STXBP5L: variants seen among roughly 807,000 people sequenced by gnomAD.
The protein encoded by STXBP5L is syntaxin binding protein 5L.
Under a neutral mutation model 144.5 loss-of-function variants are expected in STXBP5L, and 65 were observed. The ratio of observed to expected loss-of-function variants is 0.45; its 90% CI spans 0.37 to 0.55. The LOEUF (loss-of-function observed/expected upper bound fraction) is 0.55. Among genes scored for constraint, STXBP5L ranks in the 20% least tolerant of loss-of-function variants. STXBP5L has a pLI of 0.00. For missense variants in STXBP5L, 1,298 were observed against 1,405.5 expected, an observed-to-expected ratio of 0.92 and a Z score of 1.22; for synonymous variants, 505 against 469.6, an observed-to-expected ratio of 1.08 and a Z score of -0.97.
chr3:121,108,807 C>A (rs79911448), intron 5 of STXBP5L, among the ~76,000 whole-genome samples: 1 of 152,216 alleles, frequency 6.6e-6, no homozygotes, highest in East Asian at 1.9e-4. Context: ...CCGCTTTGTA[C>A]CTCTGGTAGA....
chr3:120,908,829 G>T (rs538029135), intron 1 of STXBP5L, among the ~76,000 whole-genome samples: 1 of 149,356 alleles, frequency 6.7e-6, no homozygotes, highest in Non-Finnish European at 1.5e-5. Context: ...GAGATGGGGA[G>T]AGGGGGGAAA....
intron 4 of STXBP5L, among the ~76,000 whole-genome samples, chr3:121,044,172 G>A (rs1372584889): frequency 2.0e-5 from 3 of 152,074 alleles, no homozygotes. Context: ...GAACATGTAT[G>A]TATGTAATTA....
chr3:121,094,584 A>G (rs2043012590), intron 5 of STXBP5L, among the ~76,000 whole-genome samples: 2 of 152,066 alleles, frequency 1.3e-5, no homozygotes, highest in South Asian at 4.2e-4. Context: ...ATCAGAGACT[A>G]GGATTGCAAC....
At chr3:121,181,639 C>G (rs1024941573) in intron 9 of STXBP5L, among the ~76,000 whole-genome samples, 1 of 151,516 alleles carries the variant, frequency 6.6e-6, no homozygotes, top group Non-Finnish European at 1.5e-5. Flanking sequence ...GAGGATGAGG[C>G]AGGAGAATTG....
chr3:120,950,761 A>G (rs888184288), intron 2 of STXBP5L, among the ~76,000 whole-genome samples: 1 of 152,180 alleles, frequency 6.6e-6, no homozygotes, highest in African/African-American at 2.4e-5. Context: ...TGCCATCCCC[A>G]TCAAGCTACC....
chr3:120,969,956 A>T (rs1272108380), intron 3 of STXBP5L, among the ~76,000 whole-genome samples: 5 of 151,996 alleles, frequency 3.3e-5, no homozygotes, highest in Non-Finnish European at 7.4e-5. Context: ...TTAGTCTATT[A>T]CAGGTTTTTG....
intron 9 of STXBP5L, among the ~76,000 whole-genome samples, chr3:121,185,060 C>G (rs373436547): frequency 6.6e-6 from 1 of 152,262 alleles, no homozygotes; most frequent in East Asian, 1.9e-4. Context: ...CTGAAAGAAG[C>G]ACTGAACATG....
chr3:120,986,907 A>T (rs1942339672), intron 3 of STXBP5L, among the ~76,000 whole-genome samples: 1 of 152,010 alleles, frequency 6.6e-6, no homozygotes, highest in African/African-American at 2.4e-5. Context: ...AGAACGAGAA[A>T]AGGTGGAACA....
intron 7 of STXBP5L, among the ~76,000 whole-genome samples, chr3:121,137,987 A>G (rs749299233): frequency 6.6e-6 from 1 of 152,108 alleles, no homozygotes; most frequent in Non-Finnish European, 1.5e-5. Flanking sequence ...AGGAAGTTAA[A>G]TTGTCCCTTT....
At chr3:121,229,400 C>T (rs1290840970) in intron 11 of STXBP5L, among the ~76,000 whole-genome samples, 1 of 151,992 alleles carries the variant, frequency 6.6e-6, no homozygotes, top group East Asian at 1.9e-4. Context: ...ACACACCTTA[C>T]TTTGGCATAC....
chr3:121,291,760 T>G (rs1344068687), intron 19 of STXBP5L, among the ~76,000 whole-genome samples: 1 of 152,062 alleles, frequency 6.6e-6, no homozygotes, highest in Admixed American at 6.6e-5. Context: ...GCCAAATACT[T>G]GCAGCCAACT....
At chr3:121,046,016 C>T (rs1050833533) in intron 5 of STXBP5L, among the ~76,000 whole-genome samples, 11 of 152,042 alleles carry the variant, frequency 7.2e-5, no homozygotes, top group African/African-American at 2.7e-4. Flanking sequence ...ATAGATGGCT[C>T]TTCTTATTTT....
chr3:121,293,278 T>C (rs1481186435), intron 19 of STXBP5L, among the ~76,000 whole-genome samples: 2 of 151,908 alleles, frequency 1.3e-5, no homozygotes, highest in African/African-American at 4.8e-5. Context: ...AAGCAATGCA[T>C]AGTGACAGAA....
At chr3:121,287,893 T>A (rs908712209) in intron 19 of STXBP5L, among the ~76,000 whole-genome samples, 2 of 152,098 alleles carry the variant, frequency 1.3e-5, no homozygotes, top group African/African-American at 4.8e-5. Flanking sequence ...TAAGAAGACT[T>A]AAATAAATAG....
intron 19 of STXBP5L, among the ~76,000 whole-genome samples, chr3:121,303,294 C>T (rs1455051136): frequency 1.3e-5 from 2 of 152,120 alleles, no homozygotes; most frequent in Non-Finnish European, 2.9e-5. Context: ...TCATCACTGG[C>T]CATCAGAGAA....
At chr3:121,053,562 C>A (rs1473848892) in intron 5 of STXBP5L, among the ~76,000 whole-genome samples, 2 of 152,080 alleles carry the variant, frequency 1.3e-5, no homozygotes, top group South Asian at 4.2e-4. Context: ...AATTTGGATC[C>A]CTTACACCTT....
intron 19 of STXBP5L, among the ~76,000 whole-genome samples, chr3:121,286,600 A>G (rs1303874229): frequency 2.0e-5 from 3 of 152,146 alleles, no homozygotes; most frequent in Non-Finnish European, 4.4e-5. Context: ...GATAAGGTGG[A>G]CCTATTTTTG....
chr3:120,976,686 C>T (rs906460277), intron 3 of STXBP5L, among the ~76,000 whole-genome samples: 2 of 152,126 alleles, frequency 1.3e-5, no homozygotes, highest in East Asian at 1.9e-4. Context: ...GCATTTAGTG[C>T]TATAAATTTT....
At chr3:121,057,651 T>C (rs184258098) in intron 5 of STXBP5L, among the ~76,000 whole-genome samples, 2 of 152,188 alleles carry the variant, frequency 1.3e-5, no homozygotes. Context: ...CATTTAGCTG[T>C]AGTTTATTTA....
Sources: gnomAD v4.1 joint callset for allele counts (sites outside exome capture counted in the v4.1 genomes callset) on GRCh38, gnomAD v4.1.1 for gene constraint, MANE v1.5 for transcripts, NCBI Gene and HGNC (gene_info 2026-07-23, HGNC 2026-07-21) for gene names.